Variants in NF2 observed in about 807,000 individuals in gnomAD.
NF2 encodes the protein merlin.
NF2 carries 8 observed loss-of-function variants against 83.7 expected under a neutral mutation model. The observed-to-expected ratio is 0.10, with a 90% CI of 0.06 to 0.17. NF2 has a LOEUF of 0.17. Among genes scored for constraint, NF2 ranks in the 10% least tolerant of loss-of-function variants. NF2 has a pLI of 1.00. For missense variants in NF2, 533 were observed against 744.4 expected, an observed-to-expected ratio of 0.72 and a Z score of 3.31; for synonymous variants, 266 against 269.6, an observed-to-expected ratio of 0.99 and a Z score of 0.13.
Position 29,697,453 on chromosome 22 carries a change from A to C in NF2, c.*2651A>C, listed in dbSNP as rs890240223. On this transcript the variant is annotated 3_prime_UTR_variant, in exon 16 of 16. Transcript: ENST00000338641. ...TGAGGTGCCTCCCCACAGATGGAGA[A>C]GGTGGAGAGGAGGATGGGCCTCAGG... 5.3e-6 allele frequency: 1 copy of C among 188,654 alleles called. No individual in the cohort carries two copies. The highest frequency in any genetic ancestry group is 6.2e-5 in the Admixed American group (1 of 16,192). 11.7% of individuals were successfully genotyped at this position (188,654 alleles called of 1,614,324 possible).
chr22:29,667,264 G>T (rs2066651168), intron 9 of NF2, among the ~76,000 whole-genome samples: 1 of 151,768 alleles, frequency 6.6e-6, no homozygotes, highest in Non-Finnish European at 1.5e-5. Context: ...TTGAGATAGG[G>T]TCTCACTCTG....
In NF2 at chr22:29,624,310, C is replaced by T. The variant is rs186938353; in HGVS notation, c.115-12441C>T. ...GCAACCTTTGCCTCCCGGGTTCAAG[C>T]GATTCTCGTGCCTCAGCCTCCTGAG... On this transcript the variant is annotated intron_variant, in intron 1 of 15. Transcript: ENST00000338641. 2.1e-4 allele frequency among the ~76,000 whole-genome samples: 32 copies of T among 152,172 alleles called. 1 individual carries two copies. Among genetic ancestry groups the T allele is most frequent in the Admixed American group, 1.5e-3 (23 of 15,280 alleles).
chr22:29,698,263 TTC>T lies in NF2; in HGVS notation c.*3467_*3468del, dbSNP rs1264894975. On this transcript the variant is annotated 3_prime_UTR_variant, in exon 16 of 16. Coordinates refer to ENST00000338641, the MANE Select transcript of NF2 (RefSeq NM_000268.4). ...GTGTCTTGTAATTTTGGGGACAGGTTTCTCTCTTTCCCTCTCTTTTTTTTGTC... is the reference window on the plus strand; with the variant it reads ...GTGTCTTGTAATTTTGGGGACAGGTTTCTCTTTCCCTCTCTTTTTTTTGTC... The T allele has an allele frequency of 4.4e-6, 1 of 228,328 alleles. No homozygotes were observed. The highest frequency in any genetic ancestry group is 6.2e-5 in the East Asian group (1 of 16,198). The allele number at this position is 228,328 out of a possible 1,614,324, so 14.1% of individuals were successfully genotyped here. A position where few individuals can be genotyped will look rare whatever the true frequency, so the allele number is the denominator to read the frequency against.
At position 29,619,246 on chromosome 22, in the gene NF2, T is replaced by G. The variant is rs896577017; in HGVS notation, c.114+15134T>G. On this transcript the variant is annotated intron_variant, in intron 1 of 15. Coordinates refer to ENST00000338641, the MANE Select transcript of NF2 (RefSeq NM_000268.4). ...TTTTAGTAAAGACAGGGTTTCTCCATGTTGGTCATGCTGGTCTCGAACTCC... is the reference window on the plus strand; with the variant it reads ...TTTTAGTAAAGACAGGGTTTCTCCAGGTTGGTCATGCTGGTCTCGAACTCC... 2.6e-5 allele frequency among the ~76,000 whole-genome samples: 4 copies of G among 152,152 alleles called. No individual in the cohort carries two copies. The East Asian group carries it at 7.7e-4, about 29-fold the overall frequency.
chr22:29,664,914 G>A (rs562922684), intron 8 of NF2, 76 bp from the exon 9 acceptor site: 7 of 1,045,820 alleles, frequency 6.7e-6, no homozygotes, highest in Middle Eastern at 2.0e-4. Flanking sequence ...GTGTGGTTGC[G>A]CATTTGTGGA....
In NF2 at chr22:29,655,599, A is replaced by C; in HGVS notation, c.522A>C (p.Ile174=). Residue 174 remains isoleucine, a synonymous_variant, in exon 6 of 16, where the codon ATA becomes ATC. Coordinates refer to ENST00000338641, the MANE Select transcript of NF2 (RefSeq NM_000268.4). ...TTTGCTCTATTTTTTGGTAGGTAAT[A>C]AATCTGTATCAGATGACTCCGGAAA... The part of the protein sequence containing the change: ...AQEELLPKRV[I]NLYQMTPEMW... 1 of 1,613,498 alleles carries C rather than the reference A, an allele frequency of 6.2e-7. No individual in the cohort carries two copies.
At chr22:29,633,950 T>C (rs986648334) in intron 1 of NF2, among the ~76,000 whole-genome samples, 2 of 152,196 alleles carry the variant, frequency 1.3e-5, no homozygotes, top group African/African-American at 4.8e-5. Context: ...TTAATTCACA[T>C]TGAGCTGTAA....
intron 15 of NF2, among the ~76,000 whole-genome samples, chr22:29,690,277 T>G: frequency 6.6e-6 from 1 of 152,198 alleles, no homozygotes; most frequent in East Asian, 1.9e-4. Flanking sequence ...TCTTCTGTCT[T>G]TTTAAGTAGA....
At chr22:29,665,283 C>T (rs946906971) in intron 9 of NF2, among the ~76,000 whole-genome samples, 1 of 151,848 alleles carries the variant, frequency 6.6e-6, no homozygotes, top group Non-Finnish European at 1.5e-5. Context: ...CTCTGTCGCC[C>T]AGGCTGGAGT....
chr22:29,643,357 A>G (rs1007069761), intron 4 of NF2, among the ~76,000 whole-genome samples: 2 of 150,786 alleles, frequency 1.3e-5, no homozygotes, highest in African/African-American at 2.5e-5. Flanking sequence ...TGGCAGGGTC[A>G]TAGGACAATA....
chr22:29,654,737 A>T lies in NF2; in HGVS notation c.516+12A>T. 1 of 1,606,032 alleles carries T rather than the reference A, an allele frequency of 6.2e-7. No homozygotes were observed. On this transcript the variant is annotated intron_variant, in intron 5 of 15. Transcript: ENST00000338641. ...TGCTTCCAAAAAGGGTAAGAGATTA[A>T]ATTCCCTTTTCAGGAAGACATAGCA...
At chr22:29,607,851 AAG>A (rs538687994) in intron 1 of NF2, among the ~76,000 whole-genome samples, 29 of 152,188 alleles carry the variant, frequency 1.9e-4, no homozygotes, top group Non-Finnish European at 2.9e-4. Flanking sequence ...ATTATAAAAA[AAG>A]AATCAAATGA....
chr22:29,658,905 C>T (rs1423018060), intron 7 of NF2, among the ~76,000 whole-genome samples: 1 of 152,106 alleles, frequency 6.6e-6, no homozygotes, highest in Non-Finnish European at 1.5e-5. Context: ...CATTTCACTA[C>T]GGACTCCAAA....
intron 10 of NF2, 148 bp downstream of exon 10, chr22:29,668,594 G>A: frequency 1.5e-6 from 1 of 685,976 alleles, no homozygotes; most frequent in Non-Finnish European, 2.7e-6. Context: ...ATTTGCCGAT[G>A]CCTACCTGGT....
intron 4 of NF2, among the ~76,000 whole-genome samples, chr22:29,648,479 T>C (rs2066047646): frequency 6.6e-6 from 1 of 152,196 alleles, no homozygotes; most frequent in African/African-American, 2.4e-5. Flanking sequence ...GATTGTGAAA[T>C]TGGCATAACC....
chr22:29,685,433 GTTTGT>G (rs1556005223), intron 15 of NF2, among the ~76,000 whole-genome samples: 1 of 151,036 alleles, frequency 6.6e-6, no homozygotes, highest in South Asian at 2.1e-4. Context: ...AAGGTTTTTT[GTTTGT>G]TTTGTTTTGT....
intron 1 of NF2, among the ~76,000 whole-genome samples, chr22:29,615,713 C>T (rs751921178): frequency 2.6e-5 from 4 of 152,002 alleles, no homozygotes; most frequent in East Asian, 1.9e-4. Flanking sequence ...CCAGGCTGGG[C>T]GACAGAGTGA....
chr22:29,606,785 C>T (rs1394276678), intron 1 of NF2, among the ~76,000 whole-genome samples: 1 of 152,208 alleles, frequency 6.6e-6, no homozygotes, highest in Non-Finnish European at 1.5e-5. Context: ...GTGGCTCACG[C>T]CTGTAATCCC....
intron 13 of NF2, among the ~76,000 whole-genome samples, chr22:29,676,755 A>G (rs993146326): frequency 1.3e-5 from 2 of 152,218 alleles, no homozygotes; most frequent in African/African-American, 2.4e-5. Context: ...CTTATAATAG[A>G]ACTGTGGGGT....
Sources: gnomAD v4.1 joint callset for allele counts (sites outside exome capture counted in the v4.1 genomes callset) on GRCh38, gnomAD v4.1.1 for gene constraint, MANE v1.5 for transcripts, NCBI Gene and HGNC (gene_info 2026-07-23, HGNC 2026-07-21) for gene names.